DTNBP1: variants seen among roughly 807,000 people sequenced by gnomAD.
The protein encoded by DTNBP1 is dysbindin.
DTNBP1 carries 35 observed loss-of-function variants against 42.8 expected under a neutral mutation model. That is an observed-to-expected ratio of 0.82 (90% CI 0.63 to 1.09). DTNBP1 has a LOEUF of 1.09. Ranked by LOEUF, DTNBP1 falls within the 50% of genes least tolerant of loss-of-function variation. The pLI is 0.00. For missense variants in DTNBP1, 457 were observed against 424.2 expected, an observed-to-expected ratio of 1.08 and a Z score of -0.68; for synonymous variants, 171 against 162.2, an observed-to-expected ratio of 1.05 and a Z score of -0.41.
intron 7 of DTNBP1, among the ~76,000 whole-genome samples, chr6:15,548,863 T>A (rs1265884425): frequency 6.6e-6 from 1 of 152,140 alleles, no homozygotes; most frequent in Non-Finnish European, 1.5e-5. Flanking sequence ...AAATCTATGG[T>A]TTGGGTTTTG....
At position 15,587,027 on chromosome 6, in the gene DTNBP1, C is replaced by T. The variant is rs377747418; in HGVS notation, c.511+6032G>A. On this transcript the variant is annotated intron_variant, in intron 7 of 9. Coordinates refer to ENST00000344537, the MANE Select transcript of DTNBP1 (RefSeq NM_032122.5). The surrounding 1 kb of genome is among the most constrained non-coding windows in gnomAD (Gnocchi z 4.1). ...TTTGTGGGCAACGTCATCCAAACCC[C>T]GGGCTTCCATTCCCACCTACATGCT... is the stretch of plus-strand genomic sequence containing the variant. 1.3e-5 allele frequency among the ~76,000 whole-genome samples: 2 copies of T among 152,100 alleles called. No homozygotes were observed. Among genetic ancestry groups the T allele is most frequent in the African/African-American group, 4.8e-5 (2 of 41,402 alleles).
intron 7 of DTNBP1, among the ~76,000 whole-genome samples, chr6:15,544,823 TTC>T (rs1773781387): frequency 2.6e-5 from 4 of 152,358 alleles, no homozygotes; most frequent in South Asian, 2.1e-4. Context: ...CTGTTTCCTT[TTC>T]TCTCTCTTTT....
At chr6:15,596,046 G>C (rs1390066799) in intron 6 of DTNBP1, among the ~76,000 whole-genome samples, 1 of 152,162 alleles carries the variant, frequency 6.6e-6, no homozygotes, top group Non-Finnish European at 1.5e-5. Context: ...TCACGTTGGG[G>C]GCACGTGGGG....
intron 6 of DTNBP1, among the ~76,000 whole-genome samples, chr6:15,603,049 T>C (rs1776792245): frequency 6.6e-6 from 1 of 152,242 alleles, no homozygotes; most frequent in South Asian, 2.1e-4. Flanking sequence ...TCTAGCTACA[T>C]CTGTTCTCGT....
At chr6:15,548,438 GAC>G (rs3045754) in intron 7 of DTNBP1, 14,506 of 136,448 alleles carry the variant, frequency 0.11, 709 homozygotes, top group South Asian at 0.12. Flanking sequence ...AACACACACA[GAC>G]ACACACACAC....
rs1422885840 is a variant in DTNBP1, at chr6:15,663,017, C to T, written c.-148G>A. On this transcript the variant is annotated 5_prime_UTR_variant, in exon 1 of 10. Coordinates refer to ENST00000344537, the MANE Select transcript of DTNBP1 (RefSeq NM_032122.5). The stretch of plus-strand genomic sequence containing the variant: ...GCCCCCGGTCTGGTCCTCGCCGCCG[C>T]GCCGCAACCCCAGCCCCTTCCGCGT... 7.8e-6 allele frequency: 9 copies of T among 1,147,040 alleles called. No individual in the cohort carries two copies. Among genetic ancestry groups the T allele is most frequent in the Non-Finnish European group, 9.8e-6 (8 of 815,106 alleles). The allele number at this position is 1,147,040 out of a possible 1,614,324, so 71.1% of individuals were successfully genotyped here.
chr6:15,658,176 T>C (rs1260586244), intron 1 of DTNBP1, among the ~76,000 whole-genome samples: 1 of 152,216 alleles, frequency 6.6e-6, no homozygotes, highest in Admixed American at 6.5e-5. Flanking sequence ...GGCTCTCAAA[T>C]CTTTTTTAAG....
At chr6:15,580,531 T>C (rs186400902) in intron 7 of DTNBP1, among the ~76,000 whole-genome samples, 1 of 152,184 alleles carries the variant, frequency 6.6e-6, no homozygotes, top group African/African-American at 2.4e-5. Context: ...GAAAACAGTA[T>C]GTTAATGACA....
At chr6:15,646,277 AC>A (rs1760675665) in intron 3 of DTNBP1, among the ~76,000 whole-genome samples, 1 of 151,760 alleles carries the variant, frequency 6.6e-6, no homozygotes, top group South Asian at 2.1e-4. Flanking sequence ...ACACACACAC[AC>A]ACACACACAT....
chr6:15,577,172 G>C (rs945379527), intron 7 of DTNBP1, among the ~76,000 whole-genome samples: 5 of 152,234 alleles, frequency 3.3e-5, no homozygotes, highest in African/African-American at 1.2e-4. Flanking sequence ...TGGGCCTATG[G>C]GCCTGCTGGA....
chr6:15,647,241 A>T (rs746532152), intron 3 of DTNBP1, among the ~76,000 whole-genome samples: 2 of 151,980 alleles, frequency 1.3e-5, no homozygotes, highest in Admixed American at 6.6e-5. Context: ...ACAAAGATGA[A>T]AAAAATGCTC....
chr6:15,524,703 G>C, intron 8 of DTNBP1, 34 bp from the exon 9 acceptor site: 1 of 1,607,718 alleles, frequency 6.2e-7, no homozygotes, highest in African/African-American at 1.3e-5. Context: ...AGGACACGCT[G>C]TCTTTAATAT....
At chr6:15,630,509 G>GA (rs1368849465) in intron 4 of DTNBP1, among the ~76,000 whole-genome samples, 1 of 152,146 alleles carries the variant, frequency 6.6e-6, no homozygotes, top group Non-Finnish European at 1.5e-5. Flanking sequence ...GCAAAACACT[G>GA]AAAGTCTAAC....
In DTNBP1 at chr6:15,615,372, ACCT is replaced by A; in HGVS notation, c.380_382del (p.Glu127del). ...TTCCAGATGCAGCAGGTTGTTCTCT[ACCT>A]CCTCAAAACTCGCCTCTAAATGAGC... On this transcript the variant is annotated inframe_deletion, in exon 6 of 10. Coordinates refer to ENST00000344537, the MANE Select transcript of DTNBP1 (RefSeq NM_032122.5). The A allele has an allele frequency of 6.2e-7, 1 of 1,614,050 alleles. No homozygotes were observed.
intron 6 of DTNBP1, among the ~76,000 whole-genome samples, chr6:15,610,411 A>G (rs1413385496): frequency 2.0e-5 from 3 of 152,166 alleles, no homozygotes; most frequent in South Asian, 2.1e-4. Flanking sequence ...CTGAGACCCA[A>G]TAATATTGAA....
At chr6:15,638,767 A>G (rs1326100261) in intron 3 of DTNBP1, among the ~76,000 whole-genome samples, 1 of 152,188 alleles carries the variant, frequency 6.6e-6, no homozygotes, top group African/African-American at 2.4e-5. Context: ...AAAAAGTACT[A>G]ACTTACAGTT....
At chr6:15,651,066 T>C (rs978655468) in intron 3 of DTNBP1, among the ~76,000 whole-genome samples, 12 of 152,210 alleles carry the variant, frequency 7.9e-5, no homozygotes, top group African/African-American at 2.9e-4. Flanking sequence ...AAAGAAGCCG[T>C]ACATATTATC....
At chr6:15,651,552 C>T (rs1015772871) in intron 2 of DTNBP1, 189 bp from the exon 3 acceptor site, 6 of 720,310 alleles carry the variant, frequency 8.3e-6, no homozygotes, top group Non-Finnish European at 9.2e-6. Flanking sequence ...CACTATCAAC[C>T]ATCATTTTGC....
rs555482893 is a variant in DTNBP1 at position 15,566,131 on chromosome 6, G to A, written c.511+26928C>T. Among the ~76,000 whole-genome samples, 330 of 151,812 alleles carry A rather than the reference G, an allele frequency of 2.2e-3. 1 individual carries two copies. The highest frequency in any genetic ancestry group is 7.1e-3 in the African/African-American group (294 of 41,402). On this transcript the variant is annotated intron_variant, in intron 7 of 9. Coordinates refer to ENST00000344537, the MANE Select transcript of DTNBP1 (RefSeq NM_032122.5). ...AGATCGAGACCATCCCGGCTAAAACGGTGAAACCCCGTCTCTACTAAAAAT... is the reference window on the plus strand; with the variant it reads ...AGATCGAGACCATCCCGGCTAAAACAGTGAAACCCCGTCTCTACTAAAAAT...
Sources: allele counts gnomAD v4.1 joint callset (sites outside exome capture counted in the v4.1 genomes callset), GRCh38; gene constraint gnomAD v4.1.1; non-coding constraint Gnocchi (gnomAD v3.1); transcripts MANE v1.5; gene names NCBI Gene and HGNC (gene_info 2026-07-23, HGNC 2026-07-21).